The following HIF1A variants were observed in gnomAD, a reference collection of about 807,000 sequenced individuals.
HIF1A encodes the protein hypoxia-inducible factor 1-alpha.
In HIF1A, 24 loss-of-function variants were observed where a neutral mutation model predicts 92.7. That is an observed-to-expected ratio of 0.26 (90% CI 0.19 to 0.36). HIF1A has a LOEUF of 0.36. Among genes scored for constraint, HIF1A ranks in the 10% least tolerant of loss-of-function variants. The pLI, the probability that HIF1A is intolerant of heterozygous loss-of-function variation, is 1.00. For synonymous variants in HIF1A, 319 were observed against 338.7 expected (o/e 0.94, Z 0.64); for missense variants, 799 against 998.5 (o/e 0.80, Z 2.69).
At chr14:61,707,771 G>T (rs2044258137) in intron 1 of HIF1A, among the ~76,000 whole-genome samples, 2 of 151,118 alleles carry the variant, frequency 1.3e-5, no homozygotes, top group South Asian at 4.2e-4. Context: ...AAACATACGT[G>T]TGCATGTGTC....
rs530496459 is a variant in HIF1A at position 61,742,341 on chromosome 14, G to C, written c.2093+1153G>C. Among the ~76,000 whole-genome samples the C allele has an allele frequency of 2.7e-3, 413 of 152,320 alleles. 4 individuals are homozygous for C. Among genetic ancestry groups the C allele is most frequent in the African/African-American group, 9.2e-3 (382 of 41,580 alleles). On this transcript the variant is annotated intron_variant, in intron 12 of 14. Transcript: ENST00000337138. ...GCAATAGGAAAGAACCACTGTCGTA[G>C]CCAGAACACATAGCTTTTTTCCCTG...
intron 5 of HIF1A, 86 bp from the exon 6 acceptor site, chr14:61,727,367 C>A: frequency 1.1e-6 from 1 of 923,800 alleles, no homozygotes; most frequent in Non-Finnish European, 1.8e-6. Context: ...GCTTACTGGC[C>A]ATGTCAGACT....
At chr14:61,726,034 G>A (rs186051746) in intron 4 of HIF1A, among the ~76,000 whole-genome samples, 126 of 151,592 alleles carry the variant, frequency 8.3e-4, no homozygotes, top group African/African-American at 2.8e-3. Context: ...TGGCCAGGCC[G>A]GTTTCGAACT....
intron 4 of HIF1A, among the ~76,000 whole-genome samples, chr14:61,722,285 A>G (rs949696403): frequency 6.6e-6 from 1 of 152,182 alleles, no homozygotes; most frequent in South Asian, 2.1e-4. Flanking sequence ...ACAAAGTCTC[A>G]CTATGCTGCT....
At chr14:61,716,678 C>T (rs1479629294) in intron 1 of HIF1A, among the ~76,000 whole-genome samples, 1 of 151,986 alleles carries the variant, frequency 6.6e-6, no homozygotes, top group Non-Finnish European at 1.5e-5. Context: ...TAGACATTCT[C>T]TATAAAACAA....
intron 9 of HIF1A, among the ~76,000 whole-genome samples, chr14:61,737,415 A>G (rs1223796186): frequency 6.6e-6 from 1 of 152,198 alleles, no homozygotes; most frequent in African/African-American, 2.4e-5. Context: ...ACAGTTTAGC[A>G]GAGTTATATG....
chr14:61,696,473 C>T (rs553911889), intron 1 of HIF1A, among the ~76,000 whole-genome samples: 22 of 152,322 alleles, frequency 1.4e-4, no homozygotes, highest in African/African-American at 5.3e-4. Context: ...AAGATGCGAA[C>T]TTTTTAGTTT....
intron 1 of HIF1A, among the ~76,000 whole-genome samples, chr14:61,710,368 C>G (rs1323920863): frequency 6.6e-6 from 1 of 152,092 alleles, no homozygotes; most frequent in East Asian, 1.9e-4. Context: ...GAGACTTGGT[C>G]TGTTTTGTTT....
At chr14:61,741,312 G>C in intron 12 of HIF1A, 124 bp downstream of exon 12, 6 of 596,050 alleles carry the variant, frequency 1.0e-5, no homozygotes. Context: ...GCAAATTCTT[G>C]AGAACTCAAA....
At chr14:61,718,937 G>A (rs781669863) in intron 1 of HIF1A, among the ~76,000 whole-genome samples, 1 of 152,136 alleles carries the variant, frequency 6.6e-6, no homozygotes, top group Admixed American at 6.5e-5. Flanking sequence ...CCTTATTAAA[G>A]TATAAAAGTC....
At position 61,737,070 on chromosome 14, in the gene HIF1A, G is replaced by T; in HGVS notation, c.1210G>T (p.Ala404Ser). 1 of 1,614,100 alleles carries T rather than the reference G, an allele frequency of 6.2e-7. No individual in the cohort carries two copies. The highest frequency in any genetic ancestry group is 8.5e-7 in the Non-Finnish European group (1 of 1,179,956). The part of the protein sequence containing the change: ...PDALTLLAPA[A>S]GDTIISLDFG... ...TGCTTTAACTTTGCTGGCCCCAGCC[G>T]CTGGAGACACAATCATATCTTTAGA... The change falls in exon 9 of 15, where the codon GCT becomes TCT. Residue 404 changes from alanine (A) to serine (S), a missense_variant. By Grantham distance (99) the Ala-to-Ser change is moderately conservative (BLOSUM62 1). Coordinates refer to ENST00000337138, the MANE Select transcript of HIF1A (RefSeq NM_001530.4).
chr14:61,704,251 CTTT>C (rs1410397144), intron 1 of HIF1A, among the ~76,000 whole-genome samples: 2 of 152,290 alleles, frequency 1.3e-5, no homozygotes, highest in South Asian at 2.1e-4. Flanking sequence ...CTCAAGCCTT[CTTT>C]GTGATAATCT....
chr14:61,718,275 C>T (rs1308819302), intron 1 of HIF1A, among the ~76,000 whole-genome samples: 4 of 152,144 alleles, frequency 2.6e-5, no homozygotes, highest in Non-Finnish European at 5.9e-5. Flanking sequence ...TAACAAAGAA[C>T]GCCTGGAATG....
intron 1 of HIF1A, among the ~76,000 whole-genome samples, chr14:61,698,237 A>G (rs1231225225): frequency 3.3e-5 from 5 of 152,190 alleles, no homozygotes; most frequent in Non-Finnish European, 1.5e-5. Flanking sequence ...TTTATTAGCA[A>G]ACTTTTCTCC....
intron 4 of HIF1A, among the ~76,000 whole-genome samples, chr14:61,725,421 AT>A (rs67173331): frequency 0.69 from 103,820 of 150,448 alleles, 38,361 homozygotes; most frequent in Non-Finnish European, 0.81. Flanking sequence ...ATTTTTTTTA[AT>A]TTTTTTTTTT....
At chr14:61,719,556 T>A (rs147964988) in intron 1 of HIF1A, among the ~76,000 whole-genome samples, 1 of 152,328 alleles carries the variant, frequency 6.6e-6, no homozygotes, top group African/African-American at 2.4e-5. Flanking sequence ...AACAAGCTAT[T>A]AGATGTCACT....
In HIF1A at chr14:61,745,812, C is replaced by T. The variant is rs2044774761; in HGVS notation, c.2324C>T (p.Pro775Leu). The part of the protein sequence containing the change: ...GMEQKTIILI[P>L]SDLACRLLGQ... ...GAGCAAAAGACAATTATTTTAATAC[C>T]CTCTGGTTAGTTTATTCTTTTTGAC... Residue 775 changes from proline to leucine, a missense_variant, in exon 14 of 15, where the codon CCC (proline) becomes CTC (leucine). Pro to Leu is a moderately conservative substitution (Grantham distance 98). Around this residue, in one of 2 missense-constraint regions of HIF1A, gnomAD observed 283 missense variants for 277.5 expected, o/e 1.02. Transcript: ENST00000337138. 6.2e-7 allele frequency: 1 copy of T among 1,606,624 alleles called. No individual in the cohort carries two copies. Among genetic ancestry groups the T allele is most frequent in the Non-Finnish European group, 8.5e-7 (1 of 1,176,082 alleles).
Position 61,747,642 on chromosome 14 carries a change from A to G in HIF1A, c.*557A>G, listed in dbSNP as rs1431556853. ...TTTAAGAAGAAATTTTTTTTGGCCT[A>G]TGAAATTGTTAAACCTGGAACATGA... On this transcript the variant is annotated 3_prime_UTR_variant, in exon 15 of 15. Coordinates refer to ENST00000337138, the MANE Select transcript of HIF1A (RefSeq NM_001530.4). The G allele has an allele frequency of 6.6e-6, 1 of 152,592 alleles. No individual in the cohort carries two copies. The highest frequency in any genetic ancestry group is 1.5e-5 in the Non-Finnish European group (1 of 68,008). 9.5% of individuals were successfully genotyped at this position (152,592 alleles called of 1,614,324 possible). A position where few individuals can be genotyped will look rare whatever the true frequency, so the allele number is the denominator to read the frequency against.
At chr14:61,714,761 A>C (rs1247165205) in intron 1 of HIF1A, among the ~76,000 whole-genome samples, 1 of 152,248 alleles carries the variant, frequency 6.6e-6, no homozygotes, top group African/African-American at 2.4e-5. Flanking sequence ...GGCCAGGCGC[A>C]GTGGCTCAAC....
Sources: allele counts gnomAD v4.1 joint callset (sites outside exome capture counted in the v4.1 genomes callset), GRCh38; gene constraint gnomAD v4.1.1; regional missense constraint gnomAD v4.1.1; transcripts MANE v1.5; gene names NCBI Gene and HGNC (gene_info 2026-07-23, HGNC 2026-07-21).